Variants in NELL2 observed in about 807,000 individuals in gnomAD.
The protein encoded by NELL2 is protein kinase C-binding protein NELL2.
In NELL2, 41 loss-of-function variants were observed where a neutral mutation model predicts 109.6. The ratio of observed to expected loss-of-function variants is 0.37; its 90% CI spans 0.29 to 0.49. The LOEUF is 0.49. Among genes scored for constraint, NELL2 ranks in the 20% least tolerant of loss-of-function variants. The pLI, the probability that NELL2 is intolerant of heterozygous loss-of-function variation, is 0.98. For missense variants in NELL2, 900 were observed against 1,008.3 expected, an observed-to-expected ratio of 0.89 and a Z score of 1.45; for synonymous variants, 355 against 344.7, an observed-to-expected ratio of 1.03 and a Z score of -0.33.
rs118056149 is a variant in NELL2 at position 44,620,493 on chromosome 12, C to G, written c.1445-9523G>C. ...CTTGCAGTATCTCTTATTGTCTCTT[C>G]AAGTGCTTGCCCCATTTCCATCCTC... is the stretch of plus-strand genomic sequence containing the variant. On this transcript the variant is annotated intron_variant, in intron 13 of 19. Transcript: ENST00000429094. 6.7e-4 allele frequency among the ~76,000 whole-genome samples: 102 copies of G among 152,262 alleles called. 4 individuals are homozygous for G. The East Asian group carries it at 0.019, about 29-fold the overall frequency.
chr12:44,725,853 AG>A (rs1423712174), intron 9 of NELL2, among the ~76,000 whole-genome samples: 2 of 152,158 alleles, frequency 1.3e-5, no homozygotes, highest in Non-Finnish European at 2.9e-5. Context: ...CTATTTGATG[AG>A]GGAGGGTGGG....
chr12:44,674,049 A>T (rs1305268067), intron 12 of NELL2, among the ~76,000 whole-genome samples: 1 of 152,184 alleles, frequency 6.6e-6, no homozygotes, highest in African/African-American at 2.4e-5. Context: ...TAACATATAC[A>T]TGATAACATT....
intron 15 of NELL2, among the ~76,000 whole-genome samples, chr12:44,540,969 G>A (rs762712079): frequency 2.0e-5 from 3 of 151,750 alleles, no homozygotes; most frequent in Non-Finnish European, 2.9e-5. Flanking sequence ...TAATTGGCCG[G>A]GCGCGGTGGC....
chr12:44,909,645 A>G (rs961157263), intron 1 of NELL2, among the ~76,000 whole-genome samples: 4 of 151,872 alleles, frequency 2.6e-5, no homozygotes, highest in Non-Finnish European at 5.9e-5. Flanking sequence ...TCCTAAGAAA[A>G]AAGAACAATG....
intron 13 of NELL2, among the ~76,000 whole-genome samples, chr12:44,664,683 C>A (rs1390850308): frequency 6.6e-6 from 1 of 151,968 alleles, no homozygotes; most frequent in Non-Finnish European, 1.5e-5. Context: ...TTTTTGGGTG[C>A]TCTCCAGTTT....
chr12:44,618,232 C>A (rs1172962925), intron 13 of NELL2, among the ~76,000 whole-genome samples: 1 of 152,126 alleles, frequency 6.6e-6, no homozygotes, highest in Non-Finnish European at 1.5e-5. Context: ...ATTTTTAATT[C>A]ACTATTTAAG....
At chr12:44,881,956 GCCA>G (rs2136858943) in intron 1 of NELL2, 1 of 152,034 alleles carries the variant, frequency 6.6e-6, no homozygotes, top group Non-Finnish European at 1.5e-5. Flanking sequence ...AACCATGGAG[GCCA>G]CAAAAAAGTG....
At chr12:44,786,290 G>T (rs1178180113) in intron 3 of NELL2, among the ~76,000 whole-genome samples, 1 of 152,094 alleles carries the variant, frequency 6.6e-6, no homozygotes, top group African/African-American at 2.4e-5. Context: ...TCATATTACT[G>T]GTCATTAGAA....
intron 12 of NELL2, among the ~76,000 whole-genome samples, chr12:44,682,573 T>C (rs1358984364): frequency 2.0e-5 from 3 of 152,240 alleles, no homozygotes; most frequent in Non-Finnish European, 4.4e-5. Context: ...AAGTCTTTAA[T>C]CCATCTTGAA....
intron 13 of NELL2, among the ~76,000 whole-genome samples, chr12:44,632,893 A>G (rs911200100): frequency 2.6e-5 from 4 of 152,052 alleles, no homozygotes; most frequent in African/African-American, 9.7e-5. Context: ...TTCCCAAAGG[A>G]GAATGCTATA....
chr12:44,765,860 C>A (rs897010562), intron 9 of NELL2, among the ~76,000 whole-genome samples: 8 of 152,196 alleles, frequency 5.3e-5, no homozygotes, highest in Non-Finnish European at 1.0e-4. Context: ...TGCAGTGGCT[C>A]ACGCCTGTAA....
intron 1 of NELL2, among the ~76,000 whole-genome samples, chr12:44,904,534 C>T (rs1945698701): frequency 6.6e-6 from 1 of 152,002 alleles, no homozygotes; most frequent in Non-Finnish European, 1.5e-5. Flanking sequence ...CAATGAAAGC[C>T]ACATGATGGA....
At chr12:44,729,384 T>TCA (rs1371381777) in intron 9 of NELL2, among the ~76,000 whole-genome samples, 1 of 151,398 alleles carries the variant, frequency 6.6e-6, no homozygotes, top group Admixed American at 6.6e-5. Flanking sequence ...CAAAAGCGTG[T>TCA]CACACACACA....
intron 13 of NELL2, among the ~76,000 whole-genome samples, chr12:44,644,649 TAC>T (rs1555190961): frequency 7.7e-6 from 1 of 129,484 alleles, no homozygotes; most frequent in Non-Finnish European, 1.6e-5. Flanking sequence ...TATATATATA[TAC>T]ACACACACAA....
At chr12:44,739,886 T>C (rs553951923) in intron 9 of NELL2, among the ~76,000 whole-genome samples, 1 of 152,248 alleles carries the variant, frequency 6.6e-6, no homozygotes, top group Non-Finnish European at 1.5e-5. Context: ...CAAGACTCCA[T>C]CTTAAAACAC....
At chr12:44,651,141 T>A (rs1395202153) in intron 13 of NELL2, among the ~76,000 whole-genome samples, 1 of 152,182 alleles carries the variant, frequency 6.6e-6, no homozygotes, top group African/African-American at 2.4e-5. Flanking sequence ...GAATCTAATG[T>A]GGAACAGTTT....
At chr12:44,519,972 A>G in intron 19 of NELL2, 33 bp downstream of exon 19, 1 of 1,583,442 alleles carries the variant, frequency 6.3e-7, no homozygotes, top group Non-Finnish European at 8.7e-7. Flanking sequence ...GCAGCTGGCA[A>G]AGTGCTCACT....
At chr12:44,730,898 A>G (rs539597526) in intron 9 of NELL2, among the ~76,000 whole-genome samples, 49 of 152,228 alleles carry the variant, frequency 3.2e-4, no homozygotes, top group Middle Eastern at 3.4e-3. Context: ...GAAGGAAAGC[A>G]AAAAAGGGAA....
chr12:44,596,491 A>G (rs10732765), intron 15 of NELL2, among the ~76,000 whole-genome samples: 128,314 of 152,234 alleles, frequency 0.84, 54,505 homozygotes, highest in East Asian at 1. Flanking sequence ...TAGGGATTGC[A>G]GTAAGGTCAT....
Sources: gnomAD v4.1 joint callset for allele counts (sites outside exome capture counted in the v4.1 genomes callset) on GRCh38, gnomAD v4.1.1 for gene constraint, MANE v1.5 for transcripts, NCBI Gene and HGNC (gene_info 2026-07-23, HGNC 2026-07-21) for gene names.